Variants in SDCCAG8 observed in about 807,000 individuals in gnomAD.
SDCCAG8 encodes the protein serologically defined colon cancer antigen 8.
SDCCAG8 carries 74 observed loss-of-function variants against 101.8 expected under a neutral mutation model. The ratio of observed to expected loss-of-function variants is 0.73; its 90% CI spans 0.60 to 0.88. The LOEUF (loss-of-function observed/expected upper bound fraction) is 0.88, where lower values mean the gene tolerates loss of function less well. Among genes scored for constraint, SDCCAG8 ranks in the 40% least tolerant of loss-of-function variants. The pLI is 0.00. For missense variants in SDCCAG8, 787 were observed against 822.6 expected, an observed-to-expected ratio of 0.96 and a Z score of 0.53; for synonymous variants, 281 against 292.9, an observed-to-expected ratio of 0.96 and a Z score of 0.41.
chr1:243,267,694 A>G (rs2067737874), intron 1 of SDCCAG8: 1 of 786,006 alleles, frequency 1.3e-6, no homozygotes, highest in Non-Finnish European at 2.3e-6. Flanking sequence ...CTAAGCAGTC[A>G]TGTGCATAGG....
chr1:243,355,058 A>G (rs1200995328), intron 12 of SDCCAG8, among the ~76,000 whole-genome samples: 1 of 152,228 alleles, frequency 6.6e-6, no homozygotes, highest in African/African-American at 2.4e-5. Context: ...CTGAGTGTTA[A>G]TGAGTTGCAA....
intron 12 of SDCCAG8, among the ~76,000 whole-genome samples, chr1:243,365,931 C>G (rs1378483945): frequency 6.6e-6 from 1 of 151,928 alleles, no homozygotes. Context: ...TTGAAATGAC[C>G]TTTAGGCTGC....
chr1:243,365,549 G>A (rs1328905721), intron 12 of SDCCAG8, among the ~76,000 whole-genome samples: 1 of 152,198 alleles, frequency 6.6e-6, no homozygotes, highest in East Asian at 1.9e-4. Flanking sequence ...TGGTATAAGA[G>A]TTTTAATTTG....
chr1:243,405,805 AT>A (rs1303077426), intron 13 of SDCCAG8, among the ~76,000 whole-genome samples: 1 of 151,748 alleles, frequency 6.6e-6, no homozygotes, highest in Non-Finnish European at 1.5e-5. Context: ...ATAATAAAAA[AT>A]ATATAAATTA....
chr1:243,322,355 G>A (rs2073825320), intron 9 of SDCCAG8, among the ~76,000 whole-genome samples: 2 of 152,162 alleles, frequency 1.3e-5, no homozygotes, highest in African/African-American at 2.4e-5. Flanking sequence ...TCACAATGAG[G>A]AGGTTAAACC....
At chr1:243,390,460 C>G (rs143314230) in intron 13 of SDCCAG8, among the ~76,000 whole-genome samples, 1 of 152,210 alleles carries the variant, frequency 6.6e-6, no homozygotes, top group Non-Finnish European at 1.5e-5. Context: ...CTGCTCTGCT[C>G]CACCTGTTTG....
At chr1:243,298,451 G>A (rs944732712) in intron 6 of SDCCAG8, among the ~76,000 whole-genome samples, 10 of 139,860 alleles carry the variant, frequency 7.2e-5, no homozygotes, top group Non-Finnish European at 1.2e-4. Context: ...TCCGCCTCCC[G>A]GGTTCAAGCG....
In SDCCAG8 at chr1:243,328,711, A is replaced by G. The variant is rs1289314631; in HGVS notation, c.1069-1829A>G. Among the ~76,000 whole-genome samples, 4 of 152,372 alleles carry G rather than the reference A, an allele frequency of 2.6e-5. No individual in the cohort carries two copies. The East Asian group carries it at 7.7e-4, about 29-fold the overall frequency. On this transcript the variant is annotated intron_variant, in intron 9 of 17. Coordinates refer to ENST00000366541, the MANE Select transcript of SDCCAG8 (RefSeq NM_006642.5). ...CAAGGCCTCAGCAGTGGTTTTGTTT[A>G]CATGATTTTACAGCTTCTCACTTTG...
chr1:243,369,673 A>G (rs2147877485), intron 12 of SDCCAG8, among the ~76,000 whole-genome samples: 1 of 152,242 alleles, frequency 6.6e-6, no homozygotes, highest in Middle Eastern at 3.4e-3. Context: ...TGAAGGATAC[A>G]ACCTGGGCAA....
chr1:243,363,062 A>G (rs1347653118), intron 12 of SDCCAG8, among the ~76,000 whole-genome samples: 6 of 152,126 alleles, frequency 3.9e-5, no homozygotes, highest in Non-Finnish European at 7.4e-5. Flanking sequence ...GGTTTGTGTC[A>G]CAGACACATT....
intron 12 of SDCCAG8, among the ~76,000 whole-genome samples, chr1:243,368,238 A>G (rs1202712310): frequency 6.6e-6 from 1 of 151,934 alleles, no homozygotes; most frequent in Non-Finnish European, 1.5e-5. Flanking sequence ...GAAGAAGAGA[A>G]AAGAAAAGAA....
chr1:243,356,912 C>G (rs935410159), intron 12 of SDCCAG8, among the ~76,000 whole-genome samples: 1 of 152,086 alleles, frequency 6.6e-6, no homozygotes, highest in Non-Finnish European at 1.5e-5. Flanking sequence ...GTGGGAGGAT[C>G]ACTCACACCC....
intron 12 of SDCCAG8, among the ~76,000 whole-genome samples, chr1:243,369,951 G>A (rs960672002): frequency 4.0e-5 from 6 of 151,474 alleles, no homozygotes; most frequent in South Asian, 2.1e-4. Flanking sequence ...TCACAATTTC[G>A]GGTTGTCTTT....
intron 12 of SDCCAG8, among the ~76,000 whole-genome samples, chr1:243,360,539 A>G (rs1439528613): frequency 6.6e-6 from 1 of 151,972 alleles, no homozygotes; most frequent in East Asian, 1.9e-4. Context: ...TTAAACTTTC[A>G]TCAGCCAGGT....
chr1:243,362,921 G>A (rs898198423), intron 12 of SDCCAG8, among the ~76,000 whole-genome samples: 1 of 152,214 alleles, frequency 6.6e-6, no homozygotes, highest in Admixed American at 6.5e-5. Context: ...CTACAACTGG[G>A]TGGTGAATAT....
intron 11 of SDCCAG8, 96 bp downstream of exon 11, chr1:243,341,269 G>A: frequency 7.2e-7 from 1 of 1,385,374 alleles, no homozygotes; most frequent in Admixed American, 1.9e-5. Context: ...TTATCAGGAG[G>A]AAGTTTGGAG....
rs372767770 is a variant in SDCCAG8, at chr1:243,344,191, A to T, written c.1357-24A>T. ...GCCTGGTAGATTCCAGCAGGTAATC[A>T]TCCAGTTTTTTACAATCTAACAGGT... On this transcript the variant is annotated intron_variant, in intron 11 of 17. Coordinates refer to ENST00000366541, the MANE Select transcript of SDCCAG8 (RefSeq NM_006642.5). The T allele has an allele frequency of 2.5e-6, 4 of 1,575,700 alleles. No homozygotes were observed. The African/African-American group carries it at 5.4e-5, about 21-fold the overall frequency.
At chr1:243,375,350 A>G (rs896124117) in intron 12 of SDCCAG8, among the ~76,000 whole-genome samples, 1 of 152,148 alleles carries the variant, frequency 6.6e-6, no homozygotes, top group African/African-American at 2.4e-5. Context: ...ATTTAATACT[A>G]TGTAACTTAA....
intron 6 of SDCCAG8, among the ~76,000 whole-genome samples, chr1:243,303,157 T>G (rs572862526): frequency 1.3e-5 from 2 of 152,196 alleles, no homozygotes; most frequent in East Asian, 3.9e-4. Flanking sequence ...TGGAGATGAG[T>G]GCTCCTGAAC....
Sources: allele counts gnomAD v4.1 joint callset (sites outside exome capture counted in the v4.1 genomes callset), GRCh38; gene constraint gnomAD v4.1.1; transcripts MANE v1.5; gene names NCBI Gene and HGNC (gene_info 2026-07-23, HGNC 2026-07-21).